ABCB7: variants seen among roughly 807,000 people sequenced by gnomAD.
ABCB7 encodes the protein iron-sulfur clusters transporter ABCB7, mitochondrial.
ABCB7 carries 7 observed loss-of-function variants against 54.4 expected under a neutral mutation model. The ratio of observed to expected loss-of-function variants is 0.13; its 90% CI spans 0.07 to 0.24. ABCB7 has a LOEUF of 0.24. Ranked by LOEUF, ABCB7 falls within the 10% of genes least tolerant of loss-of-function variation. The pLI is 1.00. For missense variants in ABCB7, 356 were observed against 570.4 expected, an observed-to-expected ratio of 0.62 and a Z score of 3.83; for synonymous variants, 218 against 207.1, an observed-to-expected ratio of 1.05 and a Z score of -0.45.
intron 12 of ABCB7, among the ~76,000 whole-genome samples, chrX:75,067,996 A>T (rs1374462286): frequency 9.0e-6 from 1 of 111,198 alleles, no homozygotes; most frequent in Non-Finnish European, 1.9e-5. Flanking sequence ...TATTGTATAT[A>T]TTTAAGGTAT....
At chrX:75,088,107 C>T (rs1482266098) in intron 4 of ABCB7, among the ~76,000 whole-genome samples, 2 of 111,953 alleles carry the variant, frequency 1.8e-5, no homozygotes, top group African/African-American at 6.5e-5. Context: ...ATGGCCTTAT[C>T]CCCTAAAATT....
At position 75,075,010 on chromosome X, in the gene ABCB7, A is replaced by G. The variant is rs900482054; in HGVS notation, c.855+352T>C. Reference sequence around the variant, plus strand: ...AAAGTTGAAACAGAGAAAAAAAAATAAAAGGTGAAATTGCCTAAAATGTTA... The same window carrying G: ...AAAGTTGAAACAGAGAAAAAAAAATGAAAGGTGAAATTGCCTAAAATGTTA... On this transcript the variant is annotated intron_variant, in intron 6 of 15. Transcript: ENST00000373394. 3.6e-5 allele frequency among the ~76,000 whole-genome samples: 4 copies of G among 111,740 alleles called. No individual in the cohort carries two copies. The Admixed American group carries it at 3.8e-4, about 11-fold the overall frequency.
At chrX:75,115,787 G>C (rs981414970) in intron 1 of ABCB7, among the ~76,000 whole-genome samples, 3 of 86,783 alleles carry the variant, frequency 3.5e-5, no homozygotes, top group African/African-American at 5.4e-5. Context: ...TGTGTGTGTT[G>C]GGGGGGGGGG....
intron 12 of ABCB7, among the ~76,000 whole-genome samples, chrX:75,068,005 A>T (rs2081335278): frequency 9.0e-6 from 1 of 111,254 alleles, no homozygotes; most frequent in Non-Finnish European, 1.9e-5. Flanking sequence ...TATTTAAGGT[A>T]TAGAACATGA....
chrX:75,109,618 T>A (rs2081739911), intron 3 of ABCB7, among the ~76,000 whole-genome samples: 1 of 111,807 alleles, frequency 8.9e-6, no homozygotes, highest in South Asian at 3.7e-4. Flanking sequence ...CCTCATAGAA[T>A]CAAGGGACTG....
chrX:75,079,137 T>G (rs747829687), intron 4 of ABCB7, among the ~76,000 whole-genome samples: 5 of 112,162 alleles, frequency 4.5e-5, no homozygotes, highest in African/African-American at 6.5e-5. Flanking sequence ...AGAACATCCT[T>G]GTAAGTGTTC....
At chrX:75,069,212 A>G in intron 11 of ABCB7, 76 bp from the exon 12 acceptor site, 1 of 1,200,241 alleles carries the variant, frequency 8.3e-7, no homozygotes, top group South Asian at 1.8e-5. Flanking sequence ...CACAGTAATC[A>G]TTTTGATAAA....
intron 3 of ABCB7, among the ~76,000 whole-genome samples, chrX:75,105,789 G>A (rs1161721404): frequency 5.4e-5 from 6 of 111,873 alleles, no homozygotes; most frequent in Non-Finnish European, 7.5e-5. Flanking sequence ...AAAACAGCCT[G>A]TACTGGTATA....
At chrX:75,143,245 C>G in intron 1 of ABCB7, among the ~76,000 whole-genome samples, 1 of 111,427 alleles carries the variant, frequency 9.0e-6, no homozygotes, top group South Asian at 3.8e-4. Flanking sequence ...GTTCAAAGAT[C>G]CACGATTCTC....
chrX:75,087,962 C>T (rs1178527611), intron 4 of ABCB7, among the ~76,000 whole-genome samples: 6 of 112,047 alleles, frequency 5.4e-5, no homozygotes, highest in Non-Finnish European at 1.1e-4. Context: ...GATAAGTCCT[C>T]TTATCTAAAT....
chrX:75,138,835 CTG>C (rs2082033999), intron 1 of ABCB7, among the ~76,000 whole-genome samples: 1 of 109,811 alleles, frequency 9.1e-6, no homozygotes, highest in East Asian at 2.9e-4. Flanking sequence ...TGGTGAAACC[CTG>C]TCTCTTCCAA....
rs192262855 is a variant in ABCB7 at position 75,085,568 on chromosome X, T to C, written c.454-8914A>G. Among the ~76,000 whole-genome samples, 3 of 110,861 alleles carry C rather than the reference T, an allele frequency of 2.7e-5. No individual in the cohort carries two copies. In the East Asian group the frequency reaches 8.5e-4, roughly 32 times the overall value. ...TGTTAAAAATTATGGAACTGTATACTAAAAAGAGTGCACTCCATTGAATGT... is the reference window on the plus strand; with the variant it reads ...TGTTAAAAATTATGGAACTGTATACCAAAAAGAGTGCACTCCATTGAATGT... On this transcript the variant is annotated intron_variant, in intron 4 of 15. Transcript: ENST00000373394.
At chrX:75,099,188 A>G in intron 3 of ABCB7, 127 bp from the exon 4 acceptor site, 1 of 767,014 alleles carries the variant, frequency 1.3e-6, no homozygotes, top group East Asian at 3.7e-5. Flanking sequence ...TTTATTCTGA[A>G]TCTAAGGCTA....
intron 1 of ABCB7, among the ~76,000 whole-genome samples, chrX:75,134,331 T>C (rs144488355): frequency 0.012 from 1,341 of 111,540 alleles, 13 homozygotes; most frequent in Non-Finnish European, 0.019. Flanking sequence ...ATAAAAGAAG[T>C]TCCTAGAGAC....
chrX:75,058,761 T>C (rs2059480543), intron 15 of ABCB7, among the ~76,000 whole-genome samples: 1 of 111,644 alleles, frequency 9.0e-6, no homozygotes, highest in South Asian at 3.8e-4. Flanking sequence ...GGTAATTACA[T>C]GGCATGAGGC....
At chrX:75,134,558 T>C (rs1368801307) in intron 1 of ABCB7, among the ~76,000 whole-genome samples, 1 of 112,100 alleles carries the variant, frequency 8.9e-6, no homozygotes, top group Non-Finnish European at 1.9e-5. Context: ...TACTCTAAAA[T>C]AGACCATATG....
intron 13 of ABCB7, among the ~76,000 whole-genome samples, chrX:75,063,276 T>C (rs1204392920): frequency 9.0e-6 from 1 of 111,232 alleles, no homozygotes; most frequent in Non-Finnish European, 1.9e-5. Context: ...TCATCAATCT[T>C]ATATAGAACT....
chrX:75,097,423 G>A (rs974812464), intron 4 of ABCB7: 1 of 111,611 alleles, frequency 9.0e-6, no homozygotes, highest in South Asian at 3.8e-4. Flanking sequence ...CACAACACCC[G>A]ACTGGCACTT....
intron 8 of ABCB7, among the ~76,000 whole-genome samples, chrX:75,073,080 A>C (rs2081377654): frequency 9.0e-6 from 1 of 110,772 alleles, no homozygotes; most frequent in Non-Finnish European, 1.9e-5. Context: ...AATAACATGC[A>C]TGGAGCTGTT....
Sources: allele counts gnomAD v4.1 joint callset (sites outside exome capture counted in the v4.1 genomes callset), GRCh38; gene constraint gnomAD v4.1.1; transcripts MANE v1.5; gene names NCBI Gene and HGNC (gene_info 2026-07-23, HGNC 2026-07-21).